The following PDE1C variants were observed in gnomAD, a reference collection of about 807,000 sequenced individuals.
PDE1C encodes dual specificity calcium/calmodulin-dependent 3',5'-cyclic nucleotide phosphodiesterase 1C.
A neutral mutation model predicts 93.1 loss-of-function variants in PDE1C; 62 were observed. The ratio of observed to expected loss-of-function variants is 0.67; its 90% CI spans 0.54 to 0.82. The LOEUF (loss-of-function observed/expected upper bound fraction) is 0.82, where lower values mean the gene tolerates loss of function less well. Among genes scored for constraint, PDE1C ranks in the 40% least tolerant of loss-of-function variants. The probability of loss-of-function intolerance (pLI) is 0.00; values close to 1 mark genes in which losing one functional copy is unlikely to be tolerated. For missense variants in PDE1C, 742 were observed against 884.6 expected (o/e 0.84, Z 2.04); for synonymous variants, 325 against 310.1 (o/e 1.05, Z -0.50).
intron 16 of PDE1C, chr7:31,789,772 G>A: frequency 1.0e-6 from 1 of 987,252 alleles, no homozygotes; most frequent in Non-Finnish European, 1.2e-6. Context: ...CAGCATGGCT[G>A]TATCATCAGT....
At chr7:32,012,601 G>C (rs1001061712) in intron 2 of PDE1C, among the ~76,000 whole-genome samples, 4 of 152,154 alleles carry the variant, frequency 2.6e-5, no homozygotes, top group Non-Finnish European at 4.4e-5. Flanking sequence ...TCGTTGCCTG[G>C]GGATAGGCAT....
intron 2 of PDE1C, among the ~76,000 whole-genome samples, chr7:32,049,506 G>T (rs1793053104): frequency 6.6e-6 from 1 of 152,052 alleles, no homozygotes; most frequent in African/African-American, 2.4e-5. Context: ...GGGCTTTACT[G>T]GCCCAAATAG....
chr7:31,788,993 A>G (rs151118812), intron 16 of PDE1C: 19 of 152,308 alleles, frequency 1.2e-4, no homozygotes, highest in Admixed American at 6.5e-4. Flanking sequence ...TTTTTCATGT[A>G]GAAATTAAAT....
intron 1 of PDE1C, among the ~76,000 whole-genome samples, chr7:32,227,234 A>G (rs76183684): frequency 1.3e-3 from 202 of 152,178 alleles, no homozygotes; most frequent in African/African-American, 4.7e-3. Context: ...GCTGCTCCAA[A>G]ATAATACCAG....
intron 3 of PDE1C, among the ~76,000 whole-genome samples, chr7:32,150,037 T>C (rs939512169): frequency 1.3e-5 from 2 of 152,170 alleles, no homozygotes; most frequent in Non-Finnish European, 2.9e-5. Context: ...AGAAAGATCA[T>C]CCCTCTTTGG....
the PDE1C span, chr7:31,643,760 C>T: frequency 6.2e-7 from 1 of 1,614,030 alleles, no homozygotes; most frequent in Admixed American, 1.7e-5. Flanking sequence ...CCAATGGGCA[C>T]CTGCCATGCT....
the PDE1C span, among the ~76,000 whole-genome samples, chr7:31,620,869 G>T: frequency 6.6e-6 from 1 of 152,040 alleles, no homozygotes; most frequent in African/African-American, 2.4e-5. Flanking sequence ...AAAAAATTTA[G>T]ACGAATGTAT....
At chr7:31,638,181 A>G in the PDE1C span, among the ~76,000 whole-genome samples, 1 of 152,222 alleles carries the variant, frequency 6.6e-6, no homozygotes, top group Non-Finnish European at 1.5e-5. Context: ...CAGTTGATAT[A>G]AGGAGGAAAA....
chr7:32,371,903 G>A lies in PDE1C; in HGVS notation c.310+55919C>T, dbSNP rs566500170. On this transcript the variant is annotated intron_variant, in intron 1 of 1. Transcript: ENST00000672256. ...CAAAACAATCTTGAAAAAGGCAAAC[G>A]AAGTTGAAAAACTCACCCTTCCCAA... 7.3e-4 allele frequency among the ~76,000 whole-genome samples: 111 copies of A among 152,206 alleles called. No homozygotes were observed. The Middle Eastern group carries it at 0.014, about 19-fold the overall frequency.
At chr7:32,034,339 T>G (rs1401358716) in intron 2 of PDE1C, among the ~76,000 whole-genome samples, 1 of 152,096 alleles carries the variant, frequency 6.6e-6, no homozygotes, top group East Asian at 1.9e-4. Flanking sequence ...CTACCCATTA[T>G]GGCTCAATCA....
intron 2 of PDE1C, among the ~76,000 whole-genome samples, chr7:31,969,450 A>T (rs7806074): frequency 0.7 from 106,279 of 152,006 alleles, 37,884 homozygotes; most frequent in African/African-American, 0.84. Context: ...AGATACCATC[A>T]CACACCAGTT....
At chr7:32,156,821 G>C (rs528919017) in intron 3 of PDE1C, among the ~76,000 whole-genome samples, 18 of 152,336 alleles carry the variant, frequency 1.2e-4, no homozygotes, top group African/African-American at 3.1e-4. Context: ...TGGGAAAAAG[G>C]TTATTTACAG....
chr7:32,156,586 T>C (rs1266027117), intron 3 of PDE1C, among the ~76,000 whole-genome samples: 1 of 152,174 alleles, frequency 6.6e-6, no homozygotes, highest in African/African-American at 2.4e-5. Context: ...CACAAGCAAC[T>C]GCCTGGACTC....
chr7:32,046,978 A>ATAGGTCTT (rs946692032), intron 2 of PDE1C, among the ~76,000 whole-genome samples: 1 of 151,706 alleles, frequency 6.6e-6, no homozygotes, highest in Non-Finnish European at 1.5e-5. Context: ...AGGTTTGTGG[A>ATAGGTCTT]TAGGTCTTTA....
chr7:31,907,633 C>T (rs1800763768), intron 2 of PDE1C, among the ~76,000 whole-genome samples: 1 of 152,034 alleles, frequency 6.6e-6, no homozygotes, highest in Non-Finnish European at 1.5e-5. Context: ...TATTGCAACT[C>T]ATTGGCAGGC....
At chr7:31,832,357 T>C (rs920827701) in intron 11 of PDE1C, among the ~76,000 whole-genome samples, 7 of 152,232 alleles carry the variant, frequency 4.6e-5, no homozygotes, top group Non-Finnish European at 1.5e-5. Flanking sequence ...AAAGTCAATA[T>C]TTCATCAAAA....
chr7:31,771,374 C>A (rs1291990963), intron 17 of PDE1C, among the ~76,000 whole-genome samples: 1 of 152,218 alleles, frequency 6.6e-6, no homozygotes, highest in Non-Finnish European at 1.5e-5. Context: ...CACACCCTCA[C>A]CAATACCTGC....
the PDE1C span, among the ~76,000 whole-genome samples, chr7:31,725,733 T>G: frequency 1.3e-5 from 2 of 152,214 alleles, no homozygotes; most frequent in Non-Finnish European, 2.9e-5. Flanking sequence ...TGGGATTTTC[T>G]CATATTACTT....
At chr7:32,007,946 T>C (rs1474984273) in intron 2 of PDE1C, among the ~76,000 whole-genome samples, 1 of 152,186 alleles carries the variant, frequency 6.6e-6, no homozygotes, top group Admixed American at 6.5e-5. Flanking sequence ...ATAATAGGAA[T>C]TTTAGAACAA....
Sources: gnomAD v4.1 joint callset for allele counts (sites outside exome capture counted in the v4.1 genomes callset) on GRCh38, gnomAD v4.1.1 for gene constraint, MANE v1.5 for transcripts, NCBI Gene and HGNC (gene_info 2026-07-23, HGNC 2026-07-21) for gene names.